The following ARFGEF1 variants were observed in gnomAD, a reference collection of about 807,000 sequenced individuals.
The protein encoded by ARFGEF1 is brefeldin A-inhibited guanine nucleotide-exchange protein 1.
ARFGEF1 carries 42 observed loss-of-function variants against 231.0 expected under a neutral mutation model. That is an observed-to-expected ratio of 0.18 (90% confidence interval 0.14 to 0.24). ARFGEF1 has a LOEUF of 0.24. ARFGEF1 is among the 10% of genes least tolerant of loss of function. The pLI, the probability that ARFGEF1 is intolerant of heterozygous loss-of-function variation, is 1.00. For missense variants in ARFGEF1, 1,345 were observed against 2,192.0 expected (o/e 0.61, Z 7.72); for synonymous variants, 710 against 732.3 (o/e 0.97, Z 0.49).
At chr8:67,232,073 C>CTGTA (rs1255319939) in intron 23 of ARFGEF1, among the ~76,000 whole-genome samples, 1 of 151,848 alleles carries the variant, frequency 6.6e-6, no homozygotes, top group Non-Finnish European at 1.5e-5. Context: ...CTAGTTCTAC[C>CTGTA]TGTACTTAGA....
intron 1 of ARFGEF1, among the ~76,000 whole-genome samples, chr8:67,310,708 C>T (rs1285512673): frequency 6.6e-6 from 1 of 151,766 alleles, no homozygotes; most frequent in African/African-American, 2.4e-5. Flanking sequence ...TCTGCCCCGC[C>T]GCCCAATCTG....
In ARFGEF1 at chr8:67,238,502, C is replaced by CA. The variant is rs751981568; in HGVS notation, c.3139-10dup. ...CTGATGCACTTCAGAATCTTAATTACAAAAAGGAAAAAAATGTTAAATTCC... is the reference window on the plus strand; with the variant it reads ...CTGATGCACTTCAGAATCTTAATTACAAAAAAGGAAAAAAATGTTAAATTCC... On this transcript the variant is annotated splice_polypyrimidine_tract_variant and intron_variant, in intron 21 of 38. Transcript: ENST00000262215. The CA allele has an allele frequency of 6.3e-7, 1 of 1,580,026 alleles. No individual in the cohort carries two copies. The highest frequency in any genetic ancestry group is 1.4e-5 in the African/African-American group (1 of 72,522).
intron 1 of ARFGEF1, among the ~76,000 whole-genome samples, chr8:67,303,116 A>T (rs1806577187): frequency 6.6e-6 from 1 of 152,020 alleles, no homozygotes; most frequent in Non-Finnish European, 1.5e-5. Context: ...AAAAAAAAAA[A>T]ATCACAACAG....
At chr8:67,290,903 G>A (rs1157811224) in intron 6 of ARFGEF1, among the ~76,000 whole-genome samples, 1 of 151,884 alleles carries the variant, frequency 6.6e-6, no homozygotes, top group Admixed American at 6.6e-5. Context: ...AAAGCTGGGG[G>A]GAAAATGTAA....
At chr8:67,262,438 T>A (rs1804671528) in intron 14 of ARFGEF1, among the ~76,000 whole-genome samples, 1 of 152,256 alleles carries the variant, frequency 6.6e-6, no homozygotes, top group Non-Finnish European at 1.5e-5. Flanking sequence ...CTGGTTAAGA[T>A]GCTGTGAACA....
intron 6 of ARFGEF1, among the ~76,000 whole-genome samples, chr8:67,289,637 CCTATAATTTCA>C (rs1805922037): frequency 6.6e-6 from 1 of 151,358 alleles, no homozygotes; most frequent in African/African-American, 2.4e-5. Flanking sequence ...GCCTGTCCTC[CCTATAATTTCA>C]CTTTTACTAA....
At chr8:67,223,774 T>A (rs1254008987) in intron 29 of ARFGEF1, among the ~76,000 whole-genome samples, 3 of 152,034 alleles carry the variant, frequency 2.0e-5, no homozygotes, top group Non-Finnish European at 4.4e-5. Flanking sequence ...GGGTGCTGAG[T>A]TTTCATGACC....
intron 34 of ARFGEF1, among the ~76,000 whole-genome samples, chr8:67,210,072 G>A (rs373680840): frequency 4.1e-5 from 6 of 146,336 alleles, no homozygotes; most frequent in African/African-American, 1.0e-4. Context: ...GGAGAATGGC[G>A]TGAACCCGGG....
intron 36 of ARFGEF1, among the ~76,000 whole-genome samples, chr8:67,202,321 G>A (rs1838361694): frequency 1.3e-5 from 2 of 152,030 alleles, no homozygotes; most frequent in Non-Finnish European, 2.9e-5. Flanking sequence ...GGGGAGTAGT[G>A]TGATCATGGC....
rs1459081461 is a variant in ARFGEF1, at chr8:67,299,268, T to C, written c.400A>G (p.Ile134Val). The change falls in exon 4 of 39, where the codon ATA becomes GTA. Residue 134 changes from isoleucine to valine, a missense_variant. Physicochemically the swap from Ile to Val is conservative, Grantham distance 29 (BLOSUM62 3). This residue lies in a region of ARFGEF1 where 398 missense variants were observed against 463.2 expected (regional missense o/e 0.86). Transcript: ENST00000262215. Reference sequence around the variant, plus strand: ...TGAGGGCCCTGAAAGCAGCCACATATTGTTTCAATAATTCTATCAATTAAT... The same window carrying C: ...TGAGGGCCCTGAAAGCAGCCACATACTGTTTCAATAATTCTATCAATTAAT... Reference protein sequence around the residue: ...KKLIDRIIETICGCFQGPQTD... With the variant: ...KKLIDRIIETVCGCFQGPQTD... 7 of 1,604,326 alleles carry C rather than the reference T, an allele frequency of 4.4e-6. No individual in the cohort carries two copies. The South Asian group carries it at 6.7e-5, about 15-fold the overall frequency.
intron 1 of ARFGEF1, among the ~76,000 whole-genome samples, chr8:67,310,123 T>A (rs74623927): frequency 1.3e-5 from 2 of 151,880 alleles, no homozygotes; most frequent in Non-Finnish European, 1.5e-5. Flanking sequence ...TCCCCACGGT[T>A]TCCCTCTCTT....
At chr8:67,216,480 T>G in intron 33 of ARFGEF1, 110 bp downstream of exon 33, 1 of 1,008,136 alleles carries the variant, frequency 9.9e-7, no homozygotes, top group African/African-American at 1.7e-5. Context: ...CTCAGATATT[T>G]TTTTAATAGC....
intron 8 of ARFGEF1, 138 bp downstream of exon 8, chr8:67,277,144 C>A: frequency 2.7e-5 from 23 of 846,532 alleles, no homozygotes; most frequent in South Asian, 8.8e-5. Flanking sequence ...GAAAAAAAAC[C>A]CCAAGTTTCT....
intron 1 of ARFGEF1, among the ~76,000 whole-genome samples, chr8:67,338,912 AAG>A (rs1251318145): frequency 3.3e-5 from 5 of 152,198 alleles, no homozygotes; most frequent in South Asian, 2.1e-4. Flanking sequence ...ATAAATGGTG[AAG>A]AGTGATGAAA....
intron 23 of ARFGEF1, among the ~76,000 whole-genome samples, chr8:67,229,707 A>T (rs1254923310): frequency 6.6e-6 from 1 of 152,084 alleles, no homozygotes; most frequent in East Asian, 1.9e-4. Context: ...CTGCCAGACT[A>T]CGAATTTGGT....
At chr8:67,327,317 G>A (rs968692614) in intron 1 of ARFGEF1, among the ~76,000 whole-genome samples, 1 of 147,816 alleles carries the variant, frequency 6.8e-6, no homozygotes, top group Non-Finnish European at 1.5e-5. Context: ...GATGACGTAC[G>A]TCTTTTTTTT....
chr8:67,207,696 T>G (rs1838571317), intron 34 of ARFGEF1, among the ~76,000 whole-genome samples: 1 of 152,196 alleles, frequency 6.6e-6, no homozygotes. Flanking sequence ...TGTGATTCTT[T>G]TCACTGAGTT....
intron 5 of ARFGEF1, among the ~76,000 whole-genome samples, chr8:67,191,083 C>A (rs2129575281): frequency 6.6e-6 from 1 of 152,306 alleles, no homozygotes; most frequent in Middle Eastern, 3.4e-3. Flanking sequence ...TGAAAAGCTT[C>A]ATAATAACCT....
intron 34 of ARFGEF1, among the ~76,000 whole-genome samples, chr8:67,211,043 C>CA (rs112619283): frequency 0.06 from 5,297 of 87,740 alleles, 118 homozygotes; most frequent in Middle Eastern, 0.14. Flanking sequence ...GACTCCGTCT[C>CA]AAAAAAAAAA....
Sources: gnomAD v4.1 joint callset for allele counts (sites outside exome capture counted in the v4.1 genomes callset) on GRCh38, gnomAD v4.1.1 for gene constraint, gnomAD v4.1.1 regional missense constraint, MANE v1.5 for transcripts, NCBI Gene and HGNC (gene_info 2026-07-23, HGNC 2026-07-21) for gene names.